SMOC2: variants seen among roughly 807,000 people sequenced by gnomAD.
SMOC2 encodes SPARC related modular calcium binding 2.
In SMOC2, 39 loss-of-function variants were observed where a neutral mutation model predicts 61.4. That is an observed-to-expected ratio of 0.64 (90% CI 0.49 to 0.83). The LOEUF is 0.83. Ranked by LOEUF, SMOC2 falls within the 40% of genes least tolerant of loss-of-function variation. The pLI, the probability that SMOC2 is intolerant of heterozygous loss-of-function variation, is 0.00. For missense variants in SMOC2, 556 were observed against 592.9 expected, an observed-to-expected ratio of 0.94 and a Z score of 0.65; for synonymous variants, 247 against 239.9, an observed-to-expected ratio of 1.03 and a Z score of -0.27.
chr6:168,640,231 G>T (rs1435700743), intron 9 of SMOC2, among the ~76,000 whole-genome samples: 1 of 134,326 alleles, frequency 7.4e-6, no homozygotes, highest in Non-Finnish European at 1.6e-5. Flanking sequence ...CGGTTGTGTT[G>T]TGGTAGTCGC....
At chr6:168,528,070 C>G (rs1388258344) in intron 4 of SMOC2, among the ~76,000 whole-genome samples, 1 of 152,134 alleles carries the variant, frequency 6.6e-6, no homozygotes, top group Non-Finnish European at 1.5e-5. Context: ...GTGGAAATGA[C>G]CAAATGTTTT....
chr6:168,656,277 G>GAGGC (rs1787319893), intron 11 of SMOC2, among the ~76,000 whole-genome samples: 1 of 152,112 alleles, frequency 6.6e-6, no homozygotes, highest in Non-Finnish European at 1.5e-5. Flanking sequence ...TTGGGAGGCT[G>GAGGC]AAGCGGGTGG....
chr6:168,599,589 C>T lies in SMOC2; in HGVS notation c.824+585C>T, dbSNP rs200586508. ...ACACCCACACTCATACCACACACAC[C>T]CACACATACCCCCACACACCCACAC... is the stretch of plus-strand genomic sequence containing the variant. On this transcript the variant is annotated intron_variant, in intron 8 of 12. Transcript: ENST00000356284. 8.2e-3 allele frequency among the ~76,000 whole-genome samples: 75 copies of T among 9,164 alleles called. 1 individual carries two copies. Among genetic ancestry groups the T allele is most frequent in the African/African-American group, 0.027 (66 of 2,410 alleles). 6.0% of individuals were successfully genotyped at this position (9,164 alleles called of 152,430 possible). A position where few individuals can be genotyped will look rare whatever the true frequency, so the allele number is the denominator to read the frequency against.
intron 1 of SMOC2, among the ~76,000 whole-genome samples, chr6:168,484,226 A>G (rs1583048629): frequency 6.6e-6 from 1 of 152,282 alleles, no homozygotes; most frequent in South Asian, 2.1e-4. Flanking sequence ...TATACAGAGA[A>G]CTCTTAAAAT....
At chr6:168,466,859 C>T (rs2115008991) in intron 1 of SMOC2, among the ~76,000 whole-genome samples, 1 of 152,318 alleles carries the variant, frequency 6.6e-6, no homozygotes, top group African/African-American at 2.4e-5. Context: ...TGGTGAATAG[C>T]CCGGTGGGGC....
chr6:168,447,780 T>G (rs1318297899), intron 1 of SMOC2, among the ~76,000 whole-genome samples: 1 of 151,492 alleles, frequency 6.6e-6, no homozygotes, highest in African/African-American at 2.4e-5. Flanking sequence ...GGATACCGAG[T>G]CTGCTGGATT....
At chr6:168,617,642 A>G (rs1583164492) in intron 9 of SMOC2, among the ~76,000 whole-genome samples, 1 of 152,254 alleles carries the variant, frequency 6.6e-6, no homozygotes, top group East Asian at 1.9e-4. Context: ...CCTCCAGGCG[A>G]GTTTCCAAAT....
At chr6:168,592,649 C>T (rs149384349) in intron 7 of SMOC2, among the ~76,000 whole-genome samples, 1 of 82,658 alleles carries the variant, frequency 1.2e-5, no homozygotes, top group Non-Finnish European at 2.8e-5. Context: ...TCTAGAGGAT[C>T]GCTGAGCTCC....
intron 1 of SMOC2, among the ~76,000 whole-genome samples, chr6:168,445,924 T>C (rs1781322691): frequency 6.6e-6 from 1 of 152,212 alleles, no homozygotes; most frequent in South Asian, 2.1e-4. Context: ...TTGCAATGGC[T>C]CAGAACCGAA....
chr6:168,656,520 AAAAAAAAAAAG>A, intron 11 of SMOC2, among the ~76,000 whole-genome samples: 3 of 146,136 alleles, frequency 2.1e-5, no homozygotes, highest in South Asian at 2.3e-4. Flanking sequence ...AAAAAAAAAA[AAAAAAAAAAAG>A]AAAAGAAAAG....
intron 9 of SMOC2, among the ~76,000 whole-genome samples, chr6:168,614,219 A>G: frequency 1.3e-5 from 1 of 77,536 alleles, no homozygotes; most frequent in Non-Finnish European, 2.6e-5. Context: ...CTTCACACCT[A>G]CAGCCAGCAC....
chr6:168,481,873 C>G (rs1782214686), intron 1 of SMOC2, among the ~76,000 whole-genome samples: 1 of 151,318 alleles, frequency 6.6e-6, no homozygotes, highest in African/African-American at 2.4e-5. Context: ...ATAAAGTAAC[C>G]AAAAACTTAG....
intron 4 of SMOC2, among the ~76,000 whole-genome samples, chr6:168,531,376 T>C (rs771707510): frequency 6.6e-6 from 1 of 152,244 alleles, no homozygotes; most frequent in Admixed American, 6.5e-5. Flanking sequence ...TGTTAAAACG[T>C]GCAACGCCAC....
chr6:168,636,975 G>T (rs1786755189), intron 9 of SMOC2, among the ~76,000 whole-genome samples: 1 of 120,764 alleles, frequency 8.3e-6, no homozygotes, highest in African/African-American at 3.4e-5. Context: ...CCTCCCTCCT[G>T]CTTTCCTCCC....
chr6:168,661,567 A>C (rs1562412241), intron 11 of SMOC2, among the ~76,000 whole-genome samples: 1 of 152,092 alleles, frequency 6.6e-6, no homozygotes, highest in African/African-American at 2.4e-5. Flanking sequence ...GCGCCACTGC[A>C]CTCCATCCTG....
At chr6:168,463,134 G>T (rs1296782269) in intron 1 of SMOC2, among the ~76,000 whole-genome samples, 1 of 152,196 alleles carries the variant, frequency 6.6e-6, no homozygotes, top group African/African-American at 2.4e-5. Context: ...TGCTCCCACT[G>T]GGGGCTCAGG....
At chr6:168,509,677 G>A (rs560523998) in intron 1 of SMOC2, among the ~76,000 whole-genome samples, 1 of 152,324 alleles carries the variant, frequency 6.6e-6, no homozygotes, top group African/African-American at 2.4e-5. Context: ...ATGTTGTTCT[G>A]TGTCAGACGG....
Position 168,455,983 on chromosome 6 carries a change from G to A in SMOC2, c.84+14529G>A, listed in dbSNP as rs9456117. Among the ~76,000 whole-genome samples the A allele has an allele frequency of 1.7e-3, 258 of 152,306 alleles. 1 individual carries two copies. Among genetic ancestry groups the A allele is most frequent in the African/African-American group, 5.8e-3 (243 of 41,566 alleles). On this transcript the variant is annotated intron_variant, in intron 1 of 12. Transcript: ENST00000356284. ...CCGGTCTGTTCCTGTGAAAGGGCGC[G>A]GCACTCAGGCAGGGCGGAGATGCCC...
At position 168,639,157 on chromosome 6, in the gene SMOC2, G is replaced by A. The variant is rs986443123; in HGVS notation, c.908-11524G>A. On this transcript the variant is annotated intron_variant, in intron 9 of 12. Transcript: ENST00000356284. ...TGTTCAGATGCAGCCATACTCTGGC[G>A]TCTCAGTCATTGAATCGTCATTGGA... is the stretch of plus-strand genomic sequence containing the variant. 9.2e-5 allele frequency among the ~76,000 whole-genome samples: 14 copies of A among 152,156 alleles called. 1 individual carries two copies. Among genetic ancestry groups the A allele is most frequent in the African/African-American group, 2.9e-4 (12 of 41,424 alleles).
Sources: gnomAD v4.1 joint callset for allele counts (sites outside exome capture counted in the v4.1 genomes callset) on GRCh38, gnomAD v4.1.1 for gene constraint, MANE v1.5 for transcripts, NCBI Gene and HGNC (gene_info 2026-07-23, HGNC 2026-07-21) for gene names.